Variants in STUM observed in about 807,000 individuals in gnomAD.
The protein encoded by STUM is stum, mechanosensory transduction mediator homolog, also known as protein stum homolog.
STUM carries 8 observed loss-of-function variants against 15.3 expected under a neutral mutation model. The ratio of observed to expected loss-of-function variants is 0.52; its 90% confidence interval spans 0.31 to 0.94. STUM has a LOEUF of 0.94. Among genes scored for constraint, STUM ranks in the 40% least tolerant of loss-of-function variants. STUM has a pLI of 0.05. For synonymous variants in STUM, 78 were observed against 88.7 expected (o/e 0.88, Z 0.68); for missense variants, 142 against 204.9 (o/e 0.69, Z 1.87).
In STUM at chr1:226,565,066, C is replaced by T. The variant is rs931673790; in HGVS notation, c.202+15960C>T. Among the ~76,000 whole-genome samples the T allele has an allele frequency of 9.2e-5, 14 of 152,200 alleles. No individual in the cohort carries two copies. Among genetic ancestry groups the T allele is most frequent in the African/African-American group, 3.4e-4 (14 of 41,450 alleles). On this transcript the variant is annotated intron_variant, in intron 1 of 3. Transcript: ENST00000366788. The surrounding 1 kb of genome is among the most constrained non-coding windows in gnomAD (Gnocchi z 4.4). ...GCCCTCGAGCTTCCAGGTGTCTTAG[C>T]CAATGGGAGGCACTGGTAGGCATGG... is the stretch of plus-strand genomic sequence containing the variant.
intron 1 of STUM, among the ~76,000 whole-genome samples, chr1:226,574,318 G>A (rs865789560): frequency 6.6e-6 from 1 of 152,132 alleles, no homozygotes; most frequent in East Asian, 1.9e-4. Context: ...TAGATTCCAC[G>A]TATAAGTGAG....
chr1:226,575,988 T>C (rs1190640475), intron 1 of STUM, among the ~76,000 whole-genome samples: 1 of 152,250 alleles, frequency 6.6e-6, no homozygotes, highest in Non-Finnish European at 1.5e-5. Context: ...GAGAACGTAC[T>C]GCCCTAGGTT....
intron 1 of STUM, among the ~76,000 whole-genome samples, chr1:226,569,976 A>G (rs1447886537): frequency 6.6e-6 from 1 of 152,206 alleles, no homozygotes; most frequent in African/African-American, 2.4e-5. Flanking sequence ...CCTCCAAGAC[A>G]GGCCCACAGC....
chr1:226,557,089 A>G (rs531072257), intron 1 of STUM, among the ~76,000 whole-genome samples: 2 of 152,238 alleles, frequency 1.3e-5, no homozygotes, highest in Non-Finnish European at 2.9e-5. Context: ...AAAAAATCTT[A>G]CTTCTCCCAT....
At chr1:226,560,782 G>A (rs1667527316) in intron 1 of STUM, among the ~76,000 whole-genome samples, 1 of 152,152 alleles carries the variant, frequency 6.6e-6, no homozygotes, top group African/African-American at 2.4e-5. Flanking sequence ...GATTTTCTCT[G>A]TTAGCAGACT....
intron 1 of STUM, among the ~76,000 whole-genome samples, chr1:226,576,052 A>G (rs1667809623): frequency 1.3e-5 from 2 of 152,230 alleles, no homozygotes; most frequent in South Asian, 4.1e-4. Flanking sequence ...TTGAAAATCC[A>G]TCAGCCTCAG....
rs535906845 is a variant in STUM at position 226,549,759 on chromosome 1, A to G, written c.202+653A>G. 2.0e-4 allele frequency among the ~76,000 whole-genome samples: 30 copies of G among 152,278 alleles called. No homozygotes were observed. Among genetic ancestry groups the G allele is most frequent in the Middle Eastern group, 3.4e-3 (1 of 294 alleles). ...TATTAGTTTGGATGCATGTGGCCAG[A>G]GATGAACCCATAGCTCCCTCGGATC... On this transcript the variant is annotated intron_variant, in intron 1 of 3. Transcript: ENST00000366788. This position sits in a 1 kb window ranked among gnomAD's most constrained non-coding sequence, Gnocchi z 6.8.
intron 1 of STUM, among the ~76,000 whole-genome samples, chr1:226,566,118 G>C (rs1667621842): frequency 1.3e-5 from 2 of 152,192 alleles, no homozygotes; most frequent in African/African-American, 2.4e-5. Flanking sequence ...GGAATCCTCA[G>C]TTGCGTGGTT....
chr1:226,560,691 G>A (rs1246063529), intron 1 of STUM, among the ~76,000 whole-genome samples: 1 of 152,200 alleles, frequency 6.6e-6, no homozygotes, highest in Non-Finnish European at 1.5e-5. Context: ...AGCTGCAGAA[G>A]GGAGCGCCGA....
intron 1 of STUM, among the ~76,000 whole-genome samples, chr1:226,592,657 C>A (rs188738960): frequency 3.3e-5 from 5 of 152,346 alleles, no homozygotes; most frequent in Admixed American, 3.3e-4. Flanking sequence ...CATCTTCAAC[C>A]ATCTTTCCAC....
intron 1 of STUM, among the ~76,000 whole-genome samples, chr1:226,557,053 A>G (rs1394077225): frequency 6.6e-6 from 1 of 152,172 alleles, no homozygotes; most frequent in Admixed American, 6.5e-5. Context: ...TATTTACCAC[A>G]CTGTGCAATA....
rs529792362 is a variant in STUM, at chr1:226,607,575, C to T, written c.*5535C>T. On this transcript the variant is annotated 3_prime_UTR_variant, in exon 4 of 4. Transcript: ENST00000366788. ...CTCCTGCCCAGGCCTCACCTCCTCG[C>T]TGCAGCTGGCAAGATTCTTTCTAGC... 8 of 152,870 alleles carry T rather than the reference C, an allele frequency of 5.2e-5. No homozygotes were observed. The allele number at this position is 152,870 out of a possible 1,614,324, so 9.5% of individuals were successfully genotyped here.
Position 226,608,539 on chromosome 1 carries a change from T to C in STUM, c.*6499T>C, listed in dbSNP as rs1668398267. The stretch of plus-strand genomic sequence containing the variant: ...GTGTTGTGTTGTGATTTGCAGTGTT[T>C]TGACACCGTGATTGGCTTTGTTTGG... On this transcript the variant is annotated 3_prime_UTR_variant, in exon 4 of 4. Coordinates refer to ENST00000366788, the MANE Select transcript of STUM (RefSeq NM_001003665.4). This position sits in a 1 kb window ranked among gnomAD's most constrained non-coding sequence, Gnocchi z 4.0. 1.3e-5 allele frequency: 2 copies of C among 152,244 alleles called. No homozygotes were observed. 9.4% of individuals were successfully genotyped at this position (152,244 alleles called of 1,614,324 possible).
chr1:226,577,993 C>T (rs554562778), intron 1 of STUM, among the ~76,000 whole-genome samples: 158 of 152,310 alleles, frequency 1.0e-3, no homozygotes, highest in Non-Finnish European at 1.8e-3. Flanking sequence ...TCTTCCCTGA[C>T]ACGCAGCCTT....
intron 1 of STUM, among the ~76,000 whole-genome samples, chr1:226,576,185 C>T (rs1263547975): frequency 6.6e-6 from 1 of 152,244 alleles, no homozygotes; most frequent in Admixed American, 6.5e-5. Context: ...TCTGTCCTTA[C>T]TCCAGGTTGC....
chr1:226,601,758 C>T (rs1558288765), intron 3 of STUM, among the ~76,000 whole-genome samples: 1 of 152,212 alleles, frequency 6.6e-6, no homozygotes, highest in Non-Finnish European at 1.5e-5. Context: ...AGCCTTTTAG[C>T]TCCCACCCCA....
intron 1 of STUM, among the ~76,000 whole-genome samples, chr1:226,568,033 A>G (rs1434882812): frequency 6.6e-6 from 1 of 152,160 alleles, no homozygotes; most frequent in Non-Finnish European, 1.5e-5. Context: ...GGGAGCCTGC[A>G]CACCGGCATC....
At chr1:226,592,314 G>C (rs1668103532) in intron 1 of STUM, among the ~76,000 whole-genome samples, 1 of 152,248 alleles carries the variant, frequency 6.6e-6, no homozygotes, top group Admixed American at 6.5e-5. Context: ...TCCCATGAGT[G>C]CTGGGATTAC....
chr1:226,587,506 C>T (rs35047991), intron 1 of STUM, among the ~76,000 whole-genome samples: 2,168 of 152,244 alleles, frequency 0.014, 23 homozygotes, highest in Middle Eastern at 0.037. Flanking sequence ...CCCTTGTCTG[C>T]CTGAAGACTC....
Sources: allele counts gnomAD v4.1 joint callset (sites outside exome capture counted in the v4.1 genomes callset), GRCh38; gene constraint gnomAD v4.1.1; non-coding constraint Gnocchi (gnomAD v3.1); transcripts MANE v1.5; gene names NCBI Gene and HGNC (gene_info 2026-07-23, HGNC 2026-07-21).